Variants in WASHC2A observed in about 807,000 individuals in gnomAD.
WASHC2A encodes the protein WASH complex subunit FAM21A.
WASHC2A carries 82 observed loss-of-function variants against 140.3 expected under a neutral mutation model. The ratio of observed to expected loss-of-function variants is 0.58; its 90% CI spans 0.49 to 0.70. WASHC2A has a LOEUF of 0.70. Among genes scored for constraint, WASHC2A ranks in the 30% least tolerant of loss-of-function variants. WASHC2A has a pLI of 0.00. For missense variants in WASHC2A, 985 were observed against 1,521.8 expected (o/e 0.65, Z 5.87); for synonymous variants, 340 against 560.8 (o/e 0.61, Z 5.56).
rs1487267497 is a variant in WASHC2A, at chr10:50,099,263, C to A, written c.1549-715C>A. On this transcript the variant is annotated intron_variant, in intron 16 of 30. Coordinates refer to ENST00000282633, the MANE Select transcript of WASHC2A (RefSeq NM_001005751.3). ...TAGATGATAATCCATTACCATCATT[C>A]TTCTTCTTTTTTTTTTTTTTTTATG... Among the ~76,000 whole-genome samples the A allele has an allele frequency of 3.5e-5, 5 of 141,588 alleles. No homozygotes were observed. The South Asian group carries it at 1.2e-3, about 33-fold the overall frequency. 92.9% of individuals were successfully genotyped at this position (141,588 alleles called of 152,430 possible). A position where few individuals can be genotyped will look rare whatever the true frequency, so the allele number is the denominator to read the frequency against.
intron 7 of WASHC2A, among the ~76,000 whole-genome samples, chr10:50,086,252 A>G (rs1341596720): frequency 6.7e-6 from 1 of 150,216 alleles, no homozygotes; most frequent in Non-Finnish European, 1.5e-5. Flanking sequence ...CCTTTCTTCC[A>G]GTCCTCCAAA....
chr10:50,129,175 T>G (rs1456858442), intron 28 of WASHC2A, among the ~76,000 whole-genome samples: 2 of 152,188 alleles, frequency 1.3e-5, no homozygotes, highest in African/African-American at 4.8e-5. Flanking sequence ...GAAACTGCCC[T>G]GAGAAGATTA....
chr10:50,095,659 A>T lies in WASHC2A; in HGVS notation c.1301A>T (p.Glu434Val), dbSNP rs1226021966. ...TCAATGAAGGAGCCACAGAAGCCTGAGCAGCCCACTCCAAGGAAAAGCCCC... is the reference window on the plus strand; with the variant it reads ...TCAATGAAGGAGCCACAGAAGCCTGTGCAGCCCACTCCAAGGAAAAGCCCC... Reference protein sequence around the residue: ...VPSMKEPQKPEQPTPRKSPYG... With the variant: ...VPSMKEPQKPVQPTPRKSPYG... Residue 434 changes from glutamate to valine, a missense_variant, in exon 15 of 31, where the codon GAG (glutamate) becomes GTG (valine). By Grantham distance (121) the Glu-to-Val change is moderately radical. Transcript: ENST00000282633. 1.1e-5 allele frequency: 18 copies of T among 1,611,604 alleles called. No homozygotes were observed. The highest frequency in any genetic ancestry group is 1.4e-5 in the Non-Finnish European group (17 of 1,179,830).
At chr10:50,131,365 C>T (rs1218668306) in intron 30 of WASHC2A, among the ~76,000 whole-genome samples, 2 of 152,024 alleles carry the variant, frequency 1.3e-5, no homozygotes, top group African/African-American at 4.8e-5. Flanking sequence ...TGTGACACAC[C>T]CCGGTGTTAT....
chr10:50,067,984 C>T lies in WASHC2A; in HGVS notation c.-22C>T. ...TCGGCGTGTGCTGGCAGCTTCGGAG[C>T]CCACCGAGCCGGGCGGCTAGGATGG... On this transcript the variant is annotated 5_prime_UTR_variant, in exon 1 of 31. Coordinates refer to ENST00000282633, the MANE Select transcript of WASHC2A (RefSeq NM_001005751.3). The T allele has an allele frequency of 6.2e-7, 1 of 1,603,376 alleles. No individual in the cohort carries two copies. Among genetic ancestry groups the T allele is most frequent in the Non-Finnish European group, 8.5e-7 (1 of 1,176,552 alleles).
intron 5 of WASHC2A, among the ~76,000 whole-genome samples, chr10:50,082,702 C>T (rs1209168548): frequency 6.8e-6 from 1 of 148,096 alleles, no homozygotes; most frequent in African/African-American, 2.5e-5. Context: ...TGGTCTTGAA[C>T]TCCTGACCTC....
intron 5 of WASHC2A, among the ~76,000 whole-genome samples, chr10:50,082,474 C>T (rs1167113132): frequency 3.0e-5 from 4 of 132,330 alleles, no homozygotes; most frequent in East Asian, 6.0e-4. Flanking sequence ...GGAGCACTTT[C>T]TTGACCCTAT....
chr10:50,078,518 A>G (rs1838580558), intron 3 of WASHC2A, 157 bp from the exon 4 acceptor site: 1 of 937,146 alleles, frequency 1.1e-6, no homozygotes, highest in South Asian at 4.9e-5. Flanking sequence ...TCCATGACCC[A>G]CTGTTACGGA....
At chr10:50,110,621 G>A (rs1242695388) in intron 20 of WASHC2A, among the ~76,000 whole-genome samples, 2 of 152,064 alleles carry the variant, frequency 1.3e-5, no homozygotes, top group Non-Finnish European at 2.9e-5. Context: ...GGCCAGGCAC[G>A]TTGGCTCATG....
In WASHC2A at chr10:50,130,917, C is replaced by T. The variant is rs376582947; in HGVS notation, c.3725C>T (p.Thr1242Met). 1.1e-3 allele frequency: 1,769 copies of T among 1,602,760 alleles called. 6 individuals are homozygous for T. In the East Asian group the frequency reaches 0.019, roughly 18 times the overall value. Residue 1242 changes from threonine (T) to methionine (M), a missense_variant, in exon 30 of 31, where the codon ACG becomes ATG. Thr to Met is a moderately conservative substitution (Grantham distance 81). Transcript: ENST00000282633. ...QDIFEDDIFA[T>M]EAIKPSQKTR... is the part of the protein sequence containing the mutation. ...CTTAACAAGGATGATATATTTGCTA[C>T]GGAAGCAATTAAACCCTCTCAGAAA... is the stretch of plus-strand genomic sequence containing the variant.
At chr10:50,124,547 A>T (rs1195938974) in intron 23 of WASHC2A, among the ~76,000 whole-genome samples, 3 of 152,202 alleles carry the variant, frequency 2.0e-5, no homozygotes, top group African/African-American at 7.2e-5. Flanking sequence ...AAAGGGACTC[A>T]CTCGGAGTCT....
chr10:50,078,877 A>T, intron 4 of WASHC2A, 140 bp downstream of exon 4: 1 of 1,535,690 alleles, frequency 6.5e-7, no homozygotes, highest in Non-Finnish European at 8.9e-7. Flanking sequence ...CCAAGAGGGG[A>T]TTCTTTCCTT....
At chr10:50,075,412 C>CT (rs1343470972) in intron 3 of WASHC2A, among the ~76,000 whole-genome samples, 36 of 151,400 alleles carry the variant, frequency 2.4e-4, no homozygotes, top group African/African-American at 5.1e-4. Flanking sequence ...CCTTTTTATT[C>CT]TTTTTTTGTT....
intron 23 of WASHC2A, among the ~76,000 whole-genome samples, chr10:50,121,721 AC>A (rs1178477843): frequency 6.8e-6 from 1 of 147,040 alleles, no homozygotes; most frequent in East Asian, 2.0e-4. Context: ...ATAAGCAATT[AC>A]CAGCTTATGA....
intron 3 of WASHC2A, among the ~76,000 whole-genome samples, chr10:50,071,654 T>C (rs1258715100): frequency 6.7e-6 from 1 of 149,012 alleles, no homozygotes; most frequent in African/African-American, 2.5e-5. Flanking sequence ...TGGTACTAGA[T>C]TGGTACCAGA....
intron 3 of WASHC2A, 83 bp downstream of exon 3, chr10:50,069,794 C>T (rs1479800791): frequency 3.5e-6 from 5 of 1,415,792 alleles, no homozygotes; most frequent in African/African-American, 2.9e-5. Context: ...TAGGTTCCCT[C>T]CTAAATTTTG....
At chr10:50,125,601 T>C in intron 25 of WASHC2A, 152 bp downstream of exon 25, 1 of 1,532,062 alleles carries the variant, frequency 6.5e-7, no homozygotes. Context: ...GGAGCGTGTG[T>C]GGAGGATGCA....
rs1554874467 is a variant in WASHC2A, at chr10:50,067,989, C to T, written c.-17C>T. The T allele has an allele frequency of 7.5e-6, 12 of 1,604,660 alleles. No individual in the cohort carries two copies. The highest frequency in any genetic ancestry group is 1.0e-5 in the Non-Finnish European group (12 of 1,176,958). ...GTGTGCTGGCAGCTTCGGAGCCCAC[C>T]GAGCCGGGCGGCTAGGATGGTGAGG... On this transcript the variant is annotated 5_prime_UTR_variant, in exon 1 of 31. Transcript: ENST00000282633.
chr10:50,103,203 C>T (rs1278499140), intron 17 of WASHC2A, among the ~76,000 whole-genome samples: 1 of 151,644 alleles, frequency 6.6e-6, no homozygotes, highest in African/African-American at 2.4e-5. Flanking sequence ...TGTCATATAC[C>T]TATAGTTAAG....
Sources: gnomAD v4.1 joint callset for allele counts (sites outside exome capture counted in the v4.1 genomes callset) on GRCh38, gnomAD v4.1.1 for gene constraint, MANE v1.5 for transcripts, NCBI Gene and HGNC (gene_info 2026-07-23, HGNC 2026-07-21) for gene names.